LNPEP: variants seen among roughly 807,000 people sequenced by gnomAD.
LNPEP encodes the protein leucyl and cystinyl aminopeptidase.
LNPEP carries 64 observed loss-of-function variants against 120.6 expected under a neutral mutation model. The observed-to-expected ratio is 0.53, with a 90% CI of 0.43 to 0.65. The LOEUF (loss-of-function observed/expected upper bound fraction) is 0.65. Among genes scored for constraint, LNPEP ranks in the 30% least tolerant of loss-of-function variants. The pLI is 0.00. For synonymous variants in LNPEP, 435 were observed against 425.4 expected (o/e 1.02, Z -0.28); for missense variants, 1,057 against 1,200.0 (o/e 0.88, Z 1.76).
At position 96,985,216 on chromosome 5, in the gene LNPEP, A is replaced by G. The variant is rs1356389257; in HGVS notation, c.997A>G (p.Lys333Glu). The G allele has an allele frequency of 3.1e-6, 5 of 1,613,278 alleles. No homozygotes were observed. In the Admixed American group the frequency reaches 8.3e-5, roughly 27 times the overall value. ...ATACACCGCTTTATCAAATATGCCT[A>G]AGGTACTGTTCTGTTCCTTGAATGT... ...EQYTALSNMP[K>E]KSSVVLDDGL... The change falls in exon 3 of 18, where the codon AAG becomes GAG. Residue 333 changes from lysine to glutamate, a missense_variant and splice_region_variant. By Grantham distance (56) the Lys-to-Glu change is moderately conservative. Transcript: ENST00000231368.
chr5:96,981,730 A>G (rs1790128963), intron 2 of LNPEP, among the ~76,000 whole-genome samples: 1 of 152,106 alleles, frequency 6.6e-6, no homozygotes, highest in African/African-American at 2.4e-5. Context: ...TTGTAAGGGA[A>G]CTTACCTTTA....
intron 4 of LNPEP, among the ~76,000 whole-genome samples, chr5:96,988,374 G>A (rs1790292577): frequency 8.0e-6 from 1 of 124,660 alleles, no homozygotes. Context: ...GTCTCGCACT[G>A]TCGCCTGGGG....
chr5:96,952,665 TAGAG>T (rs529634671), intron 1 of LNPEP, among the ~76,000 whole-genome samples: 3 of 152,220 alleles, frequency 2.0e-5, no homozygotes, highest in Non-Finnish European at 4.4e-5. Context: ...GGTGCTAAAG[TAGAG>T]AGAGACAGAT....
intron 13 of LNPEP, among the ~76,000 whole-genome samples, chr5:97,015,519 A>T (rs1292933277): frequency 5.9e-5 from 9 of 152,128 alleles, no homozygotes; most frequent in Admixed American, 2.6e-4. Flanking sequence ...ATAACTATCT[A>T]AAGGATAATG....
intron 6 of LNPEP, among the ~76,000 whole-genome samples, chr5:96,994,258 TG>T (rs1790456148): frequency 6.6e-6 from 1 of 152,184 alleles, no homozygotes. Context: ...TTTAAATAAA[TG>T]GCTTGCCATA....
chr5:96,953,390 A>G (rs894767860), intron 1 of LNPEP, among the ~76,000 whole-genome samples: 18 of 152,180 alleles, frequency 1.2e-4, no homozygotes, highest in African/African-American at 3.9e-4. Context: ...TCTTAGAGCA[A>G]ATTTAATAGA....
chr5:96,956,380 T>G (rs1318800300), intron 1 of LNPEP, among the ~76,000 whole-genome samples: 2 of 152,170 alleles, frequency 1.3e-5, no homozygotes, highest in African/African-American at 4.8e-5. Flanking sequence ...TAGCCACGTG[T>G]AGTGGCGCAC....
intron 1 of LNPEP, among the ~76,000 whole-genome samples, chr5:96,948,802 C>G (rs950416411): frequency 6.6e-6 from 1 of 152,072 alleles, no homozygotes; most frequent in African/African-American, 2.4e-5. Context: ...AGCTTTTTTT[C>G]TTTTTTTCCA....
At chr5:96,965,291 G>C (rs143917695) in intron 1 of LNPEP, among the ~76,000 whole-genome samples, 49 of 151,696 alleles carry the variant, frequency 3.2e-4, no homozygotes, top group African/African-American at 1.0e-3. Flanking sequence ...GTGGATATGT[G>C]TTGCCTTTCA....
At chr5:96,986,913 C>T (rs554964444) in intron 4 of LNPEP, among the ~76,000 whole-genome samples, 20 of 152,182 alleles carry the variant, frequency 1.3e-4, no homozygotes, top group Non-Finnish European at 2.6e-4. Context: ...TTTAGTAAGA[C>T]ACTATATGTA....
At position 97,024,555 on chromosome 5, in the gene LNPEP, G is replaced by C; in HGVS notation, c.2596G>C (p.Val866Leu). 1.9e-6 allele frequency: 3 copies of C among 1,614,054 alleles called. No homozygotes were observed. The highest frequency in any genetic ancestry group is 1.7e-6 in the Non-Finnish European group (2 of 1,179,946). Reference protein sequence around the residue: ...PTDVMTTVFKVGAKTDKGWSF... With the variant: ...PTDVMTTVFKLGAKTDKGWSF... ...TGATGTCATGACAACTGTGTTCAAA[G>C]TTGGAGCAAAAACTGACAAAGGCTG... Residue 866 changes from valine (V) to leucine (L), a missense_variant, in exon 15 of 18, where the codon GTT becomes CTT. Transcript: ENST00000231368.
intron 1 of LNPEP, among the ~76,000 whole-genome samples, chr5:96,956,405 C>T (rs1461909359): frequency 6.6e-6 from 1 of 152,160 alleles, no homozygotes; most frequent in Admixed American, 6.5e-5. Flanking sequence ...GTAGTCGCAC[C>T]AACTCCAGAG....
rs549751470 is a variant in LNPEP, at chr5:97,013,637, G to A, written c.2036-11G>A. 1 of 1,412,364 alleles carries A rather than the reference G, an allele frequency of 7.1e-7. No homozygotes were observed. Among genetic ancestry groups the A allele is most frequent in the South Asian group, 1.8e-5 (1 of 55,540 alleles). The allele number at this position is 1,412,364 out of a possible 1,614,324, so 87.5% of individuals were successfully genotyped here. A position where few individuals can be genotyped will look rare whatever the true frequency, so the allele number is the denominator to read the frequency against. ...TCTCTCTCAATCTCTCATTTTTTTG[G>A]TTTCCATTAGGTGTCATCAATCTTA... On this transcript the variant is annotated splice_polypyrimidine_tract_variant and intron_variant, in intron 11 of 17. Coordinates refer to ENST00000231368, the MANE Select transcript of LNPEP (RefSeq NM_005575.3).
chr5:96,984,923 G>A (rs1244925876), intron 2 of LNPEP, among the ~76,000 whole-genome samples, 157 bp from the exon 3 acceptor site: 1 of 152,174 alleles, frequency 6.6e-6, no homozygotes, highest in Non-Finnish European at 1.5e-5. Context: ...ACAGCCTGAT[G>A]TAAGTTTCTG....
chr5:96,936,150 G>A lies in LNPEP; in HGVS notation c.-6G>A. ...TCCGGCTGTAAGGAGCCGCGGCGGG[G>A]GGAAAATGGAGCCCTTCACCAATGG... On this transcript the variant is annotated 5_prime_UTR_variant, in exon 1 of 18. Coordinates refer to ENST00000231368, the MANE Select transcript of LNPEP (RefSeq NM_005575.3). 6.6e-7 allele frequency: 1 copy of A among 1,503,894 alleles called. No homozygotes were observed. Among genetic ancestry groups the A allele is most frequent in the Non-Finnish European group, 8.9e-7 (1 of 1,127,460 alleles). 93.2% of individuals were successfully genotyped at this position (1,503,894 alleles called of 1,614,324 possible). A position where few individuals can be genotyped will look rare whatever the true frequency, so the allele number is the denominator to read the frequency against.
At chr5:96,958,484 G>A (rs780439048) in intron 1 of LNPEP, 36 of 985,358 alleles carry the variant, frequency 3.7e-5, no homozygotes, top group African/African-American at 8.7e-5. Flanking sequence ...AAGTGGAGCC[G>A]TACAGCCATG....
intron 1 of LNPEP, among the ~76,000 whole-genome samples, chr5:96,960,712 A>G (rs1401205607): frequency 1.3e-5 from 2 of 152,228 alleles, no homozygotes; most frequent in East Asian, 1.9e-4. Flanking sequence ...TAGTAGTTTT[A>G]TCACCTAGGC....
intron 6 of LNPEP, among the ~76,000 whole-genome samples, chr5:96,995,571 C>CTAAAA (rs1790497288): frequency 6.6e-6 from 1 of 151,804 alleles, no homozygotes; most frequent in African/African-American, 2.4e-5. Flanking sequence ...CTCTGTCACC[C>CTAAAA]AGGCTGGAAT....
chr5:96,955,672 A>G (rs982015246), intron 1 of LNPEP, among the ~76,000 whole-genome samples: 9 of 152,256 alleles, frequency 5.9e-5, no homozygotes, highest in Admixed American at 5.2e-4. Flanking sequence ...CAGATCTACC[A>G]TAATTGTTTA....
Sources: allele counts gnomAD v4.1 joint callset (sites outside exome capture counted in the v4.1 genomes callset), GRCh38; gene constraint gnomAD v4.1.1; transcripts MANE v1.5; gene names NCBI Gene and HGNC (gene_info 2026-07-23, HGNC 2026-07-21).